The following DLC1 variants were observed in gnomAD, a reference collection of about 807,000 sequenced individuals.
The protein encoded by DLC1 is rho GTPase-activating protein 7.
Under a neutral mutation model 140.3 loss-of-function variants are expected in DLC1, and 54 were observed. The ratio of observed to expected loss-of-function variants is 0.38; its 90% confidence interval spans 0.31 to 0.48. DLC1 has a LOEUF of 0.48. DLC1 is among the 20% of genes least tolerant of loss of function. DLC1 has a pLI of 0.96. For synonymous variants in DLC1, 986 were observed against 728.1 expected, an observed-to-expected ratio of 1.35 and a Z score of -5.70; for missense variants, 2,536 against 1,907.0, an observed-to-expected ratio of 1.33 and a Z score of -6.14.
At chr8:13,474,057 G>A (rs565445661) in intron 2 of DLC1, among the ~76,000 whole-genome samples, 1 of 152,212 alleles carries the variant, frequency 6.6e-6, no homozygotes, top group East Asian at 1.9e-4. Context: ...AATGTCTCCA[G>A]GGCATGTCAC....
At chr8:13,357,977 G>A (rs1463319911) in intron 4 of DLC1, among the ~76,000 whole-genome samples, 1 of 151,956 alleles carries the variant, frequency 6.6e-6, no homozygotes, top group African/African-American at 2.4e-5. Context: ...CATTAGGTAT[G>A]GTCTTTATTC....
chr8:13,099,281 C>T (rs1258490362), intron 9 of DLC1, 66 bp downstream of exon 9: 2 of 1,538,404 alleles, frequency 1.3e-6, no homozygotes, highest in Non-Finnish European at 1.7e-6. Flanking sequence ...TCCCACAGAA[C>T]AAGCACAGGC....
At chr8:13,568,685 G>C (rs1804541910) in intron 1 of DLC1, among the ~76,000 whole-genome samples, 1 of 152,166 alleles carries the variant, frequency 6.6e-6, no homozygotes, top group African/African-American at 2.4e-5. Flanking sequence ...TGTGAAAAAA[G>C]TTATCAAGTG....
intron 1 of DLC1, among the ~76,000 whole-genome samples, chr8:13,544,464 C>A (rs1803590174): frequency 6.6e-6 from 1 of 152,036 alleles, no homozygotes; most frequent in South Asian, 2.1e-4. Context: ...GTACTTTGGT[C>A]TGAGAAAATG....
chr8:13,370,801 G>A (rs1009928840), intron 4 of DLC1, among the ~76,000 whole-genome samples: 1 of 152,148 alleles, frequency 6.6e-6, no homozygotes, highest in Non-Finnish European at 1.5e-5. Flanking sequence ...TAAATCCAAT[G>A]CAAGGGAGAC....
In DLC1 at chr8:13,419,572, C is replaced by G. The variant is rs925776912; in HGVS notation, c.1024-17953G>C. Among the ~76,000 whole-genome samples the G allele has an allele frequency of 3.9e-5, 6 of 152,158 alleles. No homozygotes were observed. In the South Asian group the frequency reaches 1.2e-3, roughly 32 times the overall value. Reference sequence around the variant, plus strand: ...ATCCCAGGGATGAAGCCCATTTGATCATGGTGGATAAGCTTTTTGATGTGC... The same window carrying G: ...ATCCCAGGGATGAAGCCCATTTGATGATGGTGGATAAGCTTTTTGATGTGC... On this transcript the variant is annotated intron_variant, in intron 2 of 17. Transcript: ENST00000276297.
intron 1 of DLC1, among the ~76,000 whole-genome samples, chr8:13,550,163 G>A (rs1197759468): frequency 1.3e-5 from 2 of 152,088 alleles, no homozygotes; most frequent in African/African-American, 2.4e-5. Flanking sequence ...GGAACCTGAG[G>A]GGAGGTGATT....
intron 1 of DLC1, among the ~76,000 whole-genome samples, chr8:13,551,047 AAC>A (rs1554542230): frequency 2.8e-4 from 35 of 123,052 alleles, no homozygotes; most frequent in East Asian, 1.2e-3. Context: ...GATTTCTTTA[AAC>A]ACACACACAC....
chr8:13,525,209 A>T lies in DLC1; in HGVS notation c.-125-25013T>A, dbSNP rs141866882. 2.6e-5 allele frequency among the ~76,000 whole-genome samples: 4 copies of T among 152,318 alleles called. No homozygotes were observed. In the East Asian group the frequency reaches 7.7e-4, roughly 29 times the overall value. On this transcript the variant is annotated intron_variant, in intron 1 of 1. Transcript: ENST00000631382. ...TAGTATTTCATTGGAGGAATATATC[A>T]CGATTTATTTATCCAGTCATCTGGT...
At chr8:13,171,587 A>G (rs946747073) in intron 5 of DLC1, among the ~76,000 whole-genome samples, 20 of 152,102 alleles carry the variant, frequency 1.3e-4, no homozygotes, top group African/African-American at 4.3e-4. Flanking sequence ...TAGAGAAACA[A>G]GGGTTGTCCA....
At position 13,100,270 on chromosome 8, in the gene DLC1, C is replaced by A; in HGVS notation, c.2067G>T (p.Lys689Asn). The stretch of plus-strand genomic sequence containing the variant: ...TGGGCCCGCTGATGATCAACCCCAG[C>A]TTTGAGGGCGCTTTGTGCTTGCTGT... The part of the protein sequence containing the change: ...SHHSKHKAPS[K>N]LGLIISGPIL... The change falls in exon 9 of 18, where the codon AAG becomes AAT. Residue 689 changes from lysine (K) to asparagine (N), a missense_variant. Lys to Asn is a moderately conservative substitution (Grantham distance 94, BLOSUM62 0). Coordinates refer to ENST00000276297, the MANE Select transcript of DLC1 (RefSeq NM_182643.3). 6.2e-7 allele frequency: 1 copy of A among 1,614,160 alleles called. No homozygotes were observed. Among genetic ancestry groups the A allele is most frequent in the Non-Finnish European group, 8.5e-7 (1 of 1,180,032 alleles).
At chr8:13,154,478 C>T (rs1824096921) in intron 5 of DLC1, among the ~76,000 whole-genome samples, 1 of 152,224 alleles carries the variant, frequency 6.6e-6, no homozygotes, top group African/African-American at 2.4e-5. Flanking sequence ...GCGGTGCCGG[C>T]CAGCTGCTCC....
At chr8:13,517,553 A>G (rs1320021707), upstream of DLC1, among the ~76,000 whole-genome samples, 2 of 152,212 alleles carry the variant, frequency 1.3e-5, no homozygotes, top group African/African-American at 4.8e-5. Context: ...GGCTTTACCA[A>G]ATATGAGTGT....
At chr8:13,433,284 A>G (rs1473930454) in intron 2 of DLC1, among the ~76,000 whole-genome samples, 1 of 152,122 alleles carries the variant, frequency 6.6e-6, no homozygotes, top group Non-Finnish European at 1.5e-5. Context: ...CTTACTGAAA[A>G]TGTGTAAGGG....
intron 1 of DLC1, among the ~76,000 whole-genome samples, chr8:13,548,842 A>T (rs957776835): frequency 6.6e-6 from 1 of 152,076 alleles, no homozygotes; most frequent in African/African-American, 2.4e-5. Context: ...AAGATCACTT[A>T]CATTTCTGAC....
chr8:13,584,948 G>C (rs973619681), intron 1 of DLC1, among the ~76,000 whole-genome samples: 1 of 151,928 alleles, frequency 6.6e-6, no homozygotes, highest in African/African-American at 2.4e-5. Context: ...TCCCATTTTA[G>C]CTTCTGCATT....
chr8:13,512,561 T>C (rs1462358302), intron 1 of DLC1, among the ~76,000 whole-genome samples: 1 of 152,176 alleles, frequency 6.6e-6, no homozygotes, highest in African/African-American at 2.4e-5. Flanking sequence ...ATTTTTTATA[T>C]GTCAACTTAG....
At chr8:13,153,002 C>T (rs1160520024) in intron 5 of DLC1, among the ~76,000 whole-genome samples, 4 of 152,168 alleles carry the variant, frequency 2.6e-5, no homozygotes, top group South Asian at 2.1e-4. Flanking sequence ...ATGTTGCCTC[C>T]GCATATTTTC....
At chr8:13,603,515 C>G (rs1006678385) in intron 1 of DLC1, among the ~76,000 whole-genome samples, 3 of 151,694 alleles carry the variant, frequency 2.0e-5, no homozygotes, top group African/African-American at 7.3e-5. Flanking sequence ...TATTACCTTC[C>G]TTGCAAACTC....
Sources: gnomAD v4.1 joint callset for allele counts (sites outside exome capture counted in the v4.1 genomes callset) on GRCh38, gnomAD v4.1.1 for gene constraint, MANE v1.5 for transcripts, NCBI Gene and HGNC (gene_info 2026-07-23, HGNC 2026-07-21) for gene names.